SPAG7: variants seen among roughly 807,000 people sequenced by gnomAD.
The protein encoded by SPAG7 is sperm associated antigen 7.
In SPAG7, 20 loss-of-function variants were observed where a neutral mutation model predicts 30.6. The ratio of observed to expected loss-of-function variants is 0.65; its 90% CI spans 0.46 to 0.95. The LOEUF (loss-of-function observed/expected upper bound fraction) is 0.95, where lower values mean the gene tolerates loss of function less well. SPAG7 is among the 40% of genes least tolerant of loss of function. The pLI is 0.00. For missense variants in SPAG7, 276 were observed against 291.1 expected, an observed-to-expected ratio of 0.95 and a Z score of 0.38; for synonymous variants, 127 against 104.2, an observed-to-expected ratio of 1.22 and a Z score of -1.33.
intron 3 of SPAG7, 37 bp from the exon 4 acceptor site, chr17:4,960,355 G>A: frequency 6.2e-7 from 1 of 1,609,678 alleles, no homozygotes; most frequent in Non-Finnish European, 8.5e-7. Flanking sequence ...AGCATCTTGA[G>A]CCAGGAGCGG....
rs1415335574 is a variant in SPAG7 at position 4,959,911 on chromosome 17, C to G, written c.423G>C (p.Leu141=). 6.2e-6 allele frequency: 10 copies of G among 1,613,238 alleles called. No individual in the cohort carries two copies. The highest frequency in any genetic ancestry group is 8.5e-6 in the Non-Finnish European group (10 of 1,179,942). The change falls in exon 6 of 7, where the codon CTG becomes CTC. Residue 141 remains leucine, a synonymous_variant. Coordinates refer to ENST00000206020, the MANE Select transcript of SPAG7 (RefSeq NM_004890.3). ...KAEEKRKLKE[L]AQRQEEEAAQ... The stretch of plus-strand genomic sequence containing the variant: ...CTGCCTCCTCCTCTTGCCTCTGGGC[C>G]AGCTCCTAGGGGTGAAAGTGGGGGC...
rs781382011 is a variant in SPAG7, at chr17:4,960,831, T to C, written c.108A>G (p.Lys36=). 4 of 1,614,028 alleles carry C rather than the reference T, an allele frequency of 2.5e-6. No individual in the cohort carries two copies. Among genetic ancestry groups the C allele is most frequent in the Non-Finnish European group, 3.4e-6 (4 of 1,180,030 alleles). The change falls in exon 2 of 7, where the codon AAA becomes AAG. Residue 36 remains lysine (K), a synonymous_variant. Transcript: ENST00000206020. ...KAREQAARLK[K]LQEQEKQQKV... Reference sequence around the variant, plus strand: ...TCTGTTGTTTCTCTTGCTCTTGTAGTTTCTTCAGGCGGGCGGCCTGTTCTG... The same window carrying C: ...TCTGTTGTTTCTCTTGCTCTTGTAGCTTCTTCAGGCGGGCGGCCTGTTCTG...
At chr17:4,966,976 CCCGGGGAGGCTCCCACCG>C in intron 1 of SPAG7, 1 of 985,088 alleles carries the variant, frequency 1.0e-6, no homozygotes, top group Middle Eastern at 5.2e-4. Flanking sequence ...CACGAGCAGC[CCCGGGGAGGCTCCCACCG>C]CCCTGCAGGG....
At chr17:4,967,105 C>T in intron 1 of SPAG7, 1 of 985,744 alleles carries the variant, frequency 1.0e-6, no homozygotes, top group Non-Finnish European at 1.2e-6. Flanking sequence ...CGGGTATTCT[C>T]ATCCCTCCAA....
At position 4,959,934 on chromosome 17, in the gene SPAG7, G is replaced by C. The variant is rs759044842; in HGVS notation, c.418-18C>G. 1.9e-6 allele frequency: 3 copies of C among 1,612,714 alleles called. No individual in the cohort carries two copies. The highest frequency in any genetic ancestry group is 2.7e-5 in the African/African-American group (2 of 74,928). On this transcript the variant is annotated intron_variant, in intron 5 of 6. Coordinates refer to ENST00000206020, the MANE Select transcript of SPAG7 (RefSeq NM_004890.3). Reference sequence around the variant, plus strand: ...GCCAGCTCCTAGGGGTGAAAGTGGGGGCACTGGTGCTCAGGGCCCCAGCCC... The same window carrying C: ...GCCAGCTCCTAGGGGTGAAAGTGGGCGCACTGGTGCTCAGGGCCCCAGCCC...
chr17:4,963,617 C>T (rs1053503178), intron 1 of SPAG7, among the ~76,000 whole-genome samples: 11 of 151,990 alleles, frequency 7.2e-5, no homozygotes, highest in African/African-American at 2.7e-4. Context: ...TGCCACCACG[C>T]CCAGCTAATT....
Position 4,966,766 on chromosome 17 carries a change from C to T in SPAG7, c.85+954G>A, listed in dbSNP as rs944104942. ...CGGACTGTGGCCTCCCTGAGGGGTA[C>T]CCCTGGTCCCTAACGGTTGTTCAAG... On this transcript the variant is annotated intron_variant, in intron 1 of 6. Transcript: ENST00000206020. 6.1e-6 allele frequency: 6 copies of T among 985,338 alleles called. No homozygotes were observed. The Admixed American group carries it at 1.8e-4, about 30-fold the overall frequency. The allele number at this position is 985,338 out of a possible 1,614,324, so 61.0% of individuals were successfully genotyped here.
intron 1 of SPAG7, among the ~76,000 whole-genome samples, chr17:4,962,217 G>A (rs1340648818): frequency 6.6e-6 from 1 of 152,128 alleles, no homozygotes; most frequent in African/African-American, 2.4e-5. Flanking sequence ...AGGTTCAAGC[G>A]ATTCTCCTGC....
intron 4 of SPAG7, 33 bp downstream of exon 4, chr17:4,960,201 G>C: frequency 1.2e-6 from 2 of 1,606,156 alleles, no homozygotes; most frequent in Non-Finnish European, 1.7e-6. Context: ...CTACAAAGGG[G>C]AGAGGAGAGA....
chr17:4,967,646 C>T, intron 1 of SPAG7, 74 bp downstream of exon 1: 1 of 1,155,346 alleles, frequency 8.7e-7, no homozygotes, highest in Non-Finnish European at 1.3e-6. Context: ...GAGGAGGCGG[C>T]ATCGTCCAAA....
At position 4,960,712 on chromosome 17, in the gene SPAG7, G is replaced by A. The variant is rs2151147268; in HGVS notation, c.153+74C>T. The stretch of plus-strand genomic sequence containing the variant: ...CTCAAGACATTTTCAGCAAAACTGA[G>A]TCCTCAACCTTCCAATTTTAACTTA... On this transcript the variant is annotated intron_variant, in intron 2 of 6. Coordinates refer to ENST00000206020, the MANE Select transcript of SPAG7 (RefSeq NM_004890.3). 4.0e-6 allele frequency: 6 copies of A among 1,498,514 alleles called. No individual in the cohort carries two copies. In the East Asian group the frequency reaches 6.8e-5, roughly 17 times the overall value. The allele number at this position is 1,498,514 out of a possible 1,614,324, so 92.8% of individuals were successfully genotyped here.
intron 1 of SPAG7, among the ~76,000 whole-genome samples, chr17:4,964,823 C>A (rs1186804143): frequency 6.6e-6 from 1 of 152,100 alleles, no homozygotes; most frequent in African/African-American, 2.4e-5. Flanking sequence ...GCAACCTCTG[C>A]CTCCCGGGTT....
In SPAG7 at chr17:4,962,588, A is replaced by C. The variant is rs375991716; in HGVS notation, c.86-1735T>G. On this transcript the variant is annotated intron_variant, in intron 1 of 6. Coordinates refer to ENST00000206020, the MANE Select transcript of SPAG7 (RefSeq NM_004890.3). ...ATGCTCAGCTACTGTTTAAAAAATAATTAAAAATATTTGTGAGATGAGGTC... is the reference window on the plus strand; with the variant it reads ...ATGCTCAGCTACTGTTTAAAAAATACTTAAAAATATTTGTGAGATGAGGTC... 4.6e-5 allele frequency among the ~76,000 whole-genome samples: 7 copies of C among 152,298 alleles called. 1 individual carries two copies. The highest frequency in any genetic ancestry group is 6.5e-5 in the Admixed American group (1 of 15,302).
chr17:4,963,923 A>G (rs1439629332), intron 1 of SPAG7, among the ~76,000 whole-genome samples: 4 of 152,102 alleles, frequency 2.6e-5, no homozygotes, highest in African/African-American at 9.7e-5. Flanking sequence ...CTTGGGCTCA[A>G]GGTATCTGCC....
At chr17:4,964,331 C>G (rs1971911872) in intron 1 of SPAG7, among the ~76,000 whole-genome samples, 2 of 145,272 alleles carry the variant, frequency 1.4e-5, no homozygotes, top group Non-Finnish European at 3.1e-5. Context: ...ATTTTTTTCT[C>G]TTTTGCCATT....
intron 1 of SPAG7, among the ~76,000 whole-genome samples, chr17:4,962,872 A>C (rs1290054840): frequency 6.7e-6 from 1 of 149,298 alleles, no homozygotes; most frequent in Non-Finnish European, 1.5e-5. Context: ...TAACCCTCCC[A>C]CCTGGGCCTC....
intron 1 of SPAG7, among the ~76,000 whole-genome samples, chr17:4,965,594 T>C (rs1278937496): frequency 6.6e-6 from 1 of 152,076 alleles, no homozygotes; most frequent in Non-Finnish European, 1.5e-5. Flanking sequence ...TCAGTTATCC[T>C]CTGGAGCCCC....
In SPAG7 at chr17:4,959,237, A is replaced by G. The variant is rs1460271809; in HGVS notation, c.*297T>C. ...AACAAACCAGGACATTGGGTTAAAC[A>G]GTATTTATTGAATGTAAAGTACCCC... On this transcript the variant is annotated 3_prime_UTR_variant, in exon 7 of 7. Transcript: ENST00000206020. 8.4e-6 allele frequency: 4 copies of G among 474,438 alleles called. No individual in the cohort carries two copies. Among genetic ancestry groups the G allele is most frequent in the African/African-American group, 3.9e-5 (2 of 51,652 alleles). 29.4% of individuals were successfully genotyped at this position (474,438 alleles called of 1,614,324 possible).
In SPAG7 at chr17:4,959,351, A is replaced by C. The variant is rs139271686; in HGVS notation, c.*183T>G. On this transcript the variant is annotated 3_prime_UTR_variant, in exon 7 of 7. Coordinates refer to ENST00000206020, the MANE Select transcript of SPAG7 (RefSeq NM_004890.3). ...TTCACACTCTCACACACACACACAC[A>C]TGCCACGCACATATCCAAGCTCCAA... is the stretch of plus-strand genomic sequence containing the variant. The C allele has an allele frequency of 3.7e-6, 2 of 543,750 alleles. No homozygotes were observed. Among genetic ancestry groups the C allele is most frequent in the Non-Finnish European group, 3.4e-6 (1 of 298,446 alleles). The allele number at this position is 543,750 out of a possible 1,614,324, so 33.7% of individuals were successfully genotyped here.
Sources: allele counts gnomAD v4.1 joint callset (sites outside exome capture counted in the v4.1 genomes callset), GRCh38; gene constraint gnomAD v4.1.1; transcripts MANE v1.5; gene names NCBI Gene and HGNC (gene_info 2026-07-23, HGNC 2026-07-21).